Variants in SMC1B observed in about 807,000 individuals in gnomAD.
The protein encoded by SMC1B is structural maintenance of chromosomes 1B.
A neutral mutation model predicts 157.9 loss-of-function variants in SMC1B; 60 were observed. The observed-to-expected ratio is 0.38, with a 90% CI of 0.31 to 0.47. The LOEUF (loss-of-function observed/expected upper bound fraction) is 0.47, where lower values mean the gene tolerates loss of function less well. Among genes scored for constraint, SMC1B ranks in the 20% least tolerant of loss-of-function variants. The pLI is 0.99. For missense variants in SMC1B, 1,165 were observed against 1,426.2 expected (o/e 0.82, Z 2.95); for synonymous variants, 445 against 483.0 (o/e 0.92, Z 1.03).
intron 5 of SMC1B, among the ~76,000 whole-genome samples, chr22:45,401,508 G>A (rs1352978430): frequency 1.3e-5 from 2 of 152,252 alleles, no homozygotes; most frequent in Non-Finnish European, 2.9e-5. Flanking sequence ...CATGGCGCCA[G>A]CCAGGTACAG....
intron 5 of SMC1B, among the ~76,000 whole-genome samples, chr22:45,401,888 C>T (rs1399040908): frequency 6.6e-6 from 1 of 151,422 alleles, no homozygotes; most frequent in African/African-American, 2.4e-5. Flanking sequence ...TTCTACACCA[C>T]CTTTTTTTTT....
Position 45,372,328 on chromosome 22 carries a change from T to C in SMC1B, c.2059-36A>G, listed in dbSNP as rs201476170. 178 of 1,544,468 alleles carry C rather than the reference T, an allele frequency of 1.2e-4. No homozygotes were observed. The African/African-American group carries it at 1.6e-3, about 14-fold the overall frequency. On this transcript the variant is annotated intron_variant, in intron 12 of 24. Transcript: ENST00000357450. ...AGAAAAACATGAGAATATTTTATGA[T>C]AGAAAAGCACTTTCACTTTTCAAAG...
chr22:45,398,123 CA>C (rs1436872702), intron 6 of SMC1B, among the ~76,000 whole-genome samples: 1 of 152,186 alleles, frequency 6.6e-6, no homozygotes, highest in East Asian at 1.9e-4. Context: ...GTGCATCCTT[CA>C]GGCTGCAGAC....
chr22:45,352,753 T>A, intron 21 of SMC1B, 151 bp from the exon 22 acceptor site: 1 of 780,692 alleles, frequency 1.3e-6, no homozygotes, highest in Non-Finnish European at 2.0e-6. Context: ...TAGTTCTACA[T>A]GTAATCACAG....
At chr22:45,348,076 ATTTG>A (rs1289585851) in intron 23 of SMC1B, among the ~76,000 whole-genome samples, 2 of 152,156 alleles carry the variant, frequency 1.3e-5, no homozygotes, top group Non-Finnish European at 2.9e-5. Flanking sequence ...GTCACTGTCA[ATTTG>A]TTTGGGCTGA....
chr22:45,411,539 A>G (rs2087333619), intron 1 of SMC1B, among the ~76,000 whole-genome samples: 1 of 152,234 alleles, frequency 6.6e-6, no homozygotes, highest in Non-Finnish European at 1.5e-5. Flanking sequence ...CAACTTTTGA[A>G]TATACTAAAA....
In SMC1B at chr22:45,399,140, T is replaced by C. The variant is rs1195639279; in HGVS notation, c.1068A>G (p.Glu356=). 1.2e-6 allele frequency: 2 copies of C among 1,613,948 alleles called. No individual in the cohort carries two copies. The highest frequency in any genetic ancestry group is 1.1e-5 in the South Asian group (1 of 91,000). Residue 356 remains glutamate, a synonymous_variant, in exon 6 of 25, where the codon GAA becomes GAG. Coordinates refer to ENST00000357450, the MANE Select transcript of SMC1B (RefSeq NM_148674.5). ...TGTCTCGCTTTTTATGTAAAATTTC[T>C]TCCTCAATCTGCTTTTCAAAACTTC... ...AWRSFEKQIE[E]EILHKKRDIE... is the part of the protein sequence containing the mutation.
Position 45,396,678 on chromosome 22 carries a change from A to ATTAT in SMC1B, c.1114-196_1114-193dup, listed in dbSNP as rs71190663. 9.3e-4 allele frequency among the ~76,000 whole-genome samples: 142 copies of ATTAT among 151,968 alleles called. 1 individual carries two copies. The highest frequency in any genetic ancestry group is 3.2e-3 in the African/African-American group (131 of 41,514). On this transcript the variant is annotated intron_variant, in intron 6 of 24. Transcript: ENST00000357450. ...AAAGCTTCCTTTAAAAAAACTGTTT[A>ATTAT]TTATTTATTTATTTATTTATATTTG...
chr22:45,383,208 G>C (rs1569187779), intron 12 of SMC1B, among the ~76,000 whole-genome samples: 1 of 151,482 alleles, frequency 6.6e-6, no homozygotes, highest in Non-Finnish European at 1.5e-5. Flanking sequence ...ATAAAACAAA[G>C]AAAATAGGAA....
At chr22:45,404,381 C>T (rs1273011048) in intron 4 of SMC1B, among the ~76,000 whole-genome samples, 1 of 152,210 alleles carries the variant, frequency 6.6e-6, no homozygotes, top group Non-Finnish European at 1.5e-5. Context: ...AATAGCCGTG[C>T]AAAGTTGTCT....
At chr22:45,352,026 A>C (rs1465772212) in intron 22 of SMC1B, among the ~76,000 whole-genome samples, 2 of 152,180 alleles carry the variant, frequency 1.3e-5, no homozygotes, top group African/African-American at 4.8e-5. Context: ...TGGCTATTCC[A>C]AGTATTTTTT....
chr22:45,354,201 A>C, intron 20 of SMC1B, 69 bp from the exon 21 acceptor site: 1 of 1,240,710 alleles, frequency 8.1e-7, no homozygotes, highest in Non-Finnish European at 1.1e-6. Flanking sequence ...ACTGTAAAGC[A>C]TAAAATATTT....
At chr22:45,411,328 G>A (rs1392911200) in intron 1 of SMC1B, among the ~76,000 whole-genome samples, 2 of 152,196 alleles carry the variant, frequency 1.3e-5, no homozygotes, top group African/African-American at 4.8e-5. Flanking sequence ...AGTGAAAGAA[G>A]TCAGACACAA....
chr22:45,360,973 C>CT (rs57185919), intron 17 of SMC1B, among the ~76,000 whole-genome samples: 70 of 143,092 alleles, frequency 4.9e-4, no homozygotes, highest in Middle Eastern at 3.7e-3. Context: ...GTGCCAGGTA[C>CT]TTTTTTTTTT....
intron 5 of SMC1B, among the ~76,000 whole-genome samples, chr22:45,401,800 T>G (rs534189925): frequency 1.1e-4 from 17 of 152,350 alleles, no homozygotes; most frequent in South Asian, 2.1e-4. Context: ...TCACTCCTTG[T>G]GTGTCTGCAT....
chr22:45,359,701 T>TG (rs1569177485), intron 18 of SMC1B, 104 bp downstream of exon 18: 1 of 1,282,652 alleles, frequency 7.8e-7, no homozygotes, highest in Non-Finnish European at 1.1e-6. Flanking sequence ...TGAGATGTCT[T>TG]CACCACCCCT....
intron 9 of SMC1B, among the ~76,000 whole-genome samples, chr22:45,392,845 C>T (rs1204149260): frequency 1.3e-5 from 2 of 152,056 alleles, no homozygotes; most frequent in Non-Finnish European, 2.9e-5. Flanking sequence ...GTATTATAGG[C>T]GCCTGCCACA....
intron 19 of SMC1B, 49 bp from the exon 20 acceptor site, chr22:45,355,164 T>A (rs370125629): frequency 6.2e-6 from 10 of 1,602,886 alleles, no homozygotes; most frequent in Non-Finnish European, 8.5e-6. Flanking sequence ...GTCTTTTACA[T>A]CCAGCAAGGT....
At chr22:45,392,580 G>T (rs563429397) in intron 9 of SMC1B, among the ~76,000 whole-genome samples, 1 of 151,914 alleles carries the variant, frequency 6.6e-6, no homozygotes, top group African/African-American at 2.4e-5. Flanking sequence ...TCATTATCCA[G>T]AAGTCGAAAC....
Sources: allele counts gnomAD v4.1 joint callset (sites outside exome capture counted in the v4.1 genomes callset), GRCh38; gene constraint gnomAD v4.1.1; transcripts MANE v1.5; gene names NCBI Gene and HGNC (gene_info 2026-07-23, HGNC 2026-07-21).